The following GSAP variants were observed in gnomAD, a reference collection of about 807,000 sequenced individuals.
GSAP encodes the protein gamma-secretase-activating protein.
GSAP carries 118 observed loss-of-function variants against 131.7 expected under a neutral mutation model. The observed-to-expected ratio is 0.90, with a 90% confidence interval of 0.77 to 1.04. The LOEUF (loss-of-function observed/expected upper bound fraction) is 1.04. Ranked by LOEUF, GSAP falls within the 50% of genes least tolerant of loss-of-function variation. The pLI, the probability that GSAP is intolerant of heterozygous loss-of-function variation, is 0.00. For missense variants in GSAP, 1,019 were observed against 1,013.2 expected (o/e 1.01, Z -0.08); for synonymous variants, 381 against 363.4 (o/e 1.05, Z -0.55).
intron 22 of GSAP, chr7:77,327,121 C>G (rs1247565833): frequency 6.6e-6 from 1 of 152,188 alleles, no homozygotes. Flanking sequence ...CTGCATTTCA[C>G]AGAATGTTCT....
At chr7:77,365,702 G>A (rs749361836) in intron 12 of GSAP, among the ~76,000 whole-genome samples, 2 of 151,970 alleles carry the variant, frequency 1.3e-5, no homozygotes, top group East Asian at 1.9e-4. Context: ...ATTTGCATAC[G>A]TATATCTTTA....
chr7:77,340,147 T>G (rs919448341), intron 19 of GSAP, among the ~76,000 whole-genome samples: 1 of 152,138 alleles, frequency 6.6e-6, no homozygotes, highest in Non-Finnish European at 1.5e-5. Context: ...GCTCAGAAGC[T>G]CCCCGACTGA....
In GSAP at chr7:77,355,473, A is replaced by G. The variant is rs373839074; in HGVS notation, c.1121-43T>C. On this transcript the variant is annotated intron_variant, in intron 15 of 30. Coordinates refer to ENST00000257626, the MANE Select transcript of GSAP (RefSeq NM_017439.4). Reference sequence around the variant, plus strand: ...AACAGTAGATCAGCAAATAGAAGAAACTCCTTTCACCCAAACATAGATATT... The same window carrying G: ...AACAGTAGATCAGCAAATAGAAGAAGCTCCTTTCACCCAAACATAGATATT... 3 of 1,524,666 alleles carry G rather than the reference A, an allele frequency of 2.0e-6. No individual in the cohort carries two copies. The African/African-American group carries it at 4.2e-5, about 21-fold the overall frequency. The allele number at this position is 1,524,666 out of a possible 1,614,324, so 94.4% of individuals were successfully genotyped here. A position where few individuals can be genotyped will look rare whatever the true frequency, so the allele number is the denominator to read the frequency against.
At position 77,397,361 on chromosome 7, in the gene GSAP, C is replaced by A; in HGVS notation, c.298G>T (p.Glu100Ter). The A allele has an allele frequency of 1.2e-6, 2 of 1,603,374 alleles. No individual in the cohort carries two copies. The change falls in exon 4 of 31, where the codon GAA (glutamate) becomes TAA (stop). Residue 100 changes from glutamate (E) to a stop codon, truncating the protein, a stop_gained. Coordinates refer to ENST00000257626, the MANE Select transcript of GSAP (RefSeq NM_017439.4). LOFTEE classifies it high-confidence loss of function. ...LQVFSCSVNS[E>*]RTLLAASLVQ... is the part of the protein sequence containing the mutation. The stretch of plus-strand genomic sequence containing the variant: ...CTCAACTTACCAAGCAAAGTCCTTT[C>A]ACTGTTGACAGAGCAACTGAAAACT...
intron 19 of GSAP, among the ~76,000 whole-genome samples, chr7:77,334,007 T>C (rs1359273992): frequency 1.3e-5 from 2 of 152,182 alleles, no homozygotes; most frequent in African/African-American, 4.8e-5. Context: ...GAGGACACTA[T>C]GGCGATTCCT....
chr7:77,399,988 T>C (rs529571959), intron 3 of GSAP, among the ~76,000 whole-genome samples: 48 of 152,146 alleles, frequency 3.2e-4, no homozygotes, highest in African/African-American at 1.0e-3. Flanking sequence ...CCATGCTCTC[T>C]AGCCAAAGGA....
At position 77,320,748 on chromosome 7, in the gene GSAP, CTGTT is replaced by C. The variant is rs755847771; in HGVS notation, c.2062_2065del (p.Asn688ValfsTer44). On this transcript the variant is annotated frameshift_variant, in exon 26 of 31. Transcript: ENST00000257626. LOFTEE classifies it high-confidence loss of function. ...ACCAGGAGGCAGAGGTAAAAACAAA[CTGTT>C]TGTAGCTTCCAGAATCCTGGTCATG... 14 of 1,607,594 alleles carry C rather than the reference CTGTT, an allele frequency of 8.7e-6. No individual in the cohort carries two copies. The highest frequency in any genetic ancestry group is 3.3e-5 in the South Asian group (3 of 90,976).
At chr7:77,375,493 G>T (rs181556374) in intron 10 of GSAP, among the ~76,000 whole-genome samples, 23 of 152,298 alleles carry the variant, frequency 1.5e-4, no homozygotes, top group Non-Finnish European at 2.6e-4. Flanking sequence ...GGCAGGAGGG[G>T]TAAGTGCAAT....
chr7:77,360,922 G>C, intron 13 of GSAP, 21 bp from the exon 14 acceptor site: 7 of 1,418,744 alleles, frequency 4.9e-6, no homozygotes, highest in Non-Finnish European at 7.0e-6. Flanking sequence ...AGAATATGAA[G>C]CCAGAGAATG....
At chr7:77,383,535 C>T (rs113185523) in intron 6 of GSAP, among the ~76,000 whole-genome samples, 17 of 152,274 alleles carry the variant, frequency 1.1e-4, no homozygotes, top group African/African-American at 3.1e-4. Context: ...AAGCACAGAA[C>T]GACTGTCACC....
intron 1 of GSAP, among the ~76,000 whole-genome samples, chr7:77,407,816 T>C (rs1035722803): frequency 6.6e-6 from 1 of 152,182 alleles, no homozygotes; most frequent in East Asian, 1.9e-4. Flanking sequence ...CATAAGAATG[T>C]CTATAGTACT....
chr7:77,378,893 G>T (rs1797370741), intron 8 of GSAP, among the ~76,000 whole-genome samples: 1 of 152,084 alleles, frequency 6.6e-6, no homozygotes, highest in Non-Finnish European at 1.5e-5. Context: ...GAAGAAATGA[G>T]GAAAAAAGGA....
At chr7:77,411,097 G>GT (rs1221530702) in intron 1 of GSAP, among the ~76,000 whole-genome samples, 1 of 21,654 alleles carries the variant, frequency 4.6e-5, no homozygotes, top group African/African-American at 2.1e-4. Context: ...CAAGAAAATA[G>GT]TAAAAAAAAA....
intron 1 of GSAP, among the ~76,000 whole-genome samples, chr7:77,414,909 G>A (rs1029124966): frequency 1.3e-4 from 18 of 133,812 alleles, no homozygotes; most frequent in Non-Finnish European, 2.3e-4. Context: ...CCAGGCTGGA[G>A]TGCAGTGGCG....
At chr7:77,346,862 G>A (rs1000285995) in intron 19 of GSAP, among the ~76,000 whole-genome samples, 2 of 103,482 alleles carry the variant, frequency 1.9e-5, no homozygotes, top group African/African-American at 1.0e-4. Flanking sequence ...ACCAGGACTA[G>A]TCTCGGGAAA....
chr7:77,412,148 C>T (rs925087537), intron 1 of GSAP, among the ~76,000 whole-genome samples: 1 of 152,116 alleles, frequency 6.6e-6, no homozygotes, highest in Non-Finnish European at 1.5e-5. Context: ...CACTGCACTC[C>T]AGCTGGGTGA....
chr7:77,390,946 TAA>T lies in GSAP; in HGVS notation c.368-3500_368-3499del, dbSNP rs71085453. Among the ~76,000 whole-genome samples, 367 of 37,726 alleles carry T rather than the reference TAA, an allele frequency of 9.7e-3. 1 individual carries two copies. The highest frequency in any genetic ancestry group is 0.013 in the Non-Finnish European group (244 of 18,538). 24.7% of individuals were successfully genotyped at this position (37,726 alleles called of 152,430 possible). On this transcript the variant is annotated intron_variant, in intron 5 of 30. Coordinates refer to ENST00000257626, the MANE Select transcript of GSAP (RefSeq NM_017439.4). ...CCTGGTGACAGAGCGAGACTCCGTC[TAA>T]AAAAAAAAAAAAAAAAAAAAAAAAA...
At chr7:77,314,272 C>A in intron 27 of GSAP, 98 bp downstream of exon 27, 1 of 1,279,678 alleles carries the variant, frequency 7.8e-7, no homozygotes, top group Non-Finnish European at 1.1e-6. Flanking sequence ...CTGAGTGCAG[C>A]CAGGCTCTTG....
chr7:77,403,912 T>C (rs1801809586), intron 3 of GSAP, among the ~76,000 whole-genome samples: 2 of 152,206 alleles, frequency 1.3e-5, no homozygotes, highest in African/African-American at 4.8e-5. Flanking sequence ...AAAGTTGGTA[T>C]TCCCACTCCT....
Sources: allele counts gnomAD v4.1 joint callset (sites outside exome capture counted in the v4.1 genomes callset), GRCh38; gene constraint gnomAD v4.1.1; transcripts MANE v1.5; gene names NCBI Gene and HGNC (gene_info 2026-07-23, HGNC 2026-07-21).